The following GABRG3 variants were observed in gnomAD, a reference collection of about 807,000 sequenced individuals.
GABRG3 encodes gamma-aminobutyric acid type A receptor subunit gamma3.
Under a neutral mutation model 48.8 loss-of-function variants are expected in GABRG3, and 25 were observed. The observed-to-expected ratio is 0.51, with a 90% CI of 0.37 to 0.72. The LOEUF is 0.72. Among genes scored for constraint, GABRG3 ranks in the 30% least tolerant of loss-of-function variants. GABRG3 has a pLI of 0.00. For missense variants in GABRG3, 394 were observed against 577.9 expected (o/e 0.68, Z 3.26); for synonymous variants, 227 against 217.6 (o/e 1.04, Z -0.38).
intron 2 of GABRG3, among the ~76,000 whole-genome samples, chr15:27,021,809 C>T (rs370101138): frequency 1.9e-4 from 29 of 152,308 alleles, no homozygotes; most frequent in African/African-American, 6.5e-4. Flanking sequence ...CACCACTGCA[C>T]TCCAGCGTGG....
chr15:27,308,301 C>CATATAAACATATATAAACATACGTTTAT (rs1566773737), intron 3 of GABRG3, among the ~76,000 whole-genome samples: 8 of 106,878 alleles, frequency 7.5e-5, no homozygotes, highest in South Asian at 2.8e-4. Context: ...ATATAAACAT[C>CATATAAACATATATAAACATACGTTTAT]ATATAAACAT....
At chr15:27,349,806 T>C (rs1894494677) in intron 5 of GABRG3, among the ~76,000 whole-genome samples, 1 of 152,140 alleles carries the variant, frequency 6.6e-6, no homozygotes, top group South Asian at 2.1e-4. Context: ...TAGAGAAACC[T>C]AGACTCTGGG....
chr15:27,193,355 G>C (rs968179264), intron 3 of GABRG3, among the ~76,000 whole-genome samples: 1 of 152,072 alleles, frequency 6.6e-6, no homozygotes, highest in African/African-American at 2.4e-5. Flanking sequence ...GCCTCCTTGA[G>C]CTGTGGTGGG....
Position 27,447,992 on chromosome 15 carries a change from A to T in GABRG3, c.575-32658A>T, listed in dbSNP as rs1485194580. ...TTCTGCACATGTATCCCAGAACTTAAAGTATAATAAGATAAAATACACAAA... is the reference window on the plus strand; with the variant it reads ...TTCTGCACATGTATCCCAGAACTTATAGTATAATAAGATAAAATACACAAA... On this transcript the variant is annotated intron_variant, in intron 5 of 9. Coordinates refer to ENST00000615808, the MANE Select transcript of GABRG3 (RefSeq NM_033223.5). This position sits in a 1 kb window ranked among gnomAD's most constrained non-coding sequence, Gnocchi z 4.0. 6.6e-6 allele frequency among the ~76,000 whole-genome samples: 1 copy of T among 152,226 alleles called. No individual in the cohort carries two copies. The highest frequency in any genetic ancestry group is 1.9e-4 in the East Asian group (1 of 5,200).
At chr15:27,403,880 T>G (rs894757709) in intron 5 of GABRG3, among the ~76,000 whole-genome samples, 1 of 110,444 alleles carries the variant, frequency 9.1e-6, no homozygotes, top group African/African-American at 3.7e-5. Context: ...CCGCTGCACT[T>G]AAGCCTGGTG....
intron 3 of GABRG3, among the ~76,000 whole-genome samples, chr15:27,112,621 G>T (rs1196964661): frequency 1.3e-5 from 2 of 151,796 alleles, no homozygotes; most frequent in Admixed American, 6.6e-5. Flanking sequence ...TGTATTTTTA[G>T]TGGAGATGGG....
intron 5 of GABRG3, among the ~76,000 whole-genome samples, chr15:27,339,731 G>T (rs772873952): frequency 1.3e-5 from 2 of 152,202 alleles, no homozygotes; most frequent in African/African-American, 4.8e-5. Flanking sequence ...CAGTCTTGAA[G>T]GTGGGTTATT....
intron 3 of GABRG3, among the ~76,000 whole-genome samples, chr15:27,045,139 T>A (rs998312923): frequency 6.6e-6 from 1 of 152,162 alleles, no homozygotes; most frequent in African/African-American, 2.4e-5. Flanking sequence ...AGAAGTGGAA[T>A]GAGAAGCTCT....
intron 5 of GABRG3, among the ~76,000 whole-genome samples, chr15:27,444,304 A>G (rs1325961489): frequency 6.6e-6 from 1 of 152,116 alleles, no homozygotes; most frequent in Non-Finnish European, 1.5e-5. Flanking sequence ...GGATTTCTCT[A>G]TTTCTACATG....
At chr15:27,219,185 T>C (rs1461242896) in intron 3 of GABRG3, among the ~76,000 whole-genome samples, 1 of 152,218 alleles carries the variant, frequency 6.6e-6, no homozygotes, top group Admixed American at 6.5e-5. Flanking sequence ...AAGGGGACCC[T>C]GTGCCATATT....
intron 5 of GABRG3, among the ~76,000 whole-genome samples, chr15:27,402,713 C>T (rs1887510171): frequency 6.6e-6 from 1 of 152,082 alleles, no homozygotes; most frequent in East Asian, 1.9e-4. Context: ...GTCTTAAGCC[C>T]CAAATTATGT....
intron 3 of GABRG3, among the ~76,000 whole-genome samples, chr15:27,234,822 C>T (rs912197070): frequency 7.9e-5 from 12 of 152,184 alleles, no homozygotes; most frequent in Admixed American, 5.2e-4. Context: ...AAGGGATCTA[C>T]TCCAAAGCAG....
At chr15:27,339,394 A>G (rs746258638) in intron 5 of GABRG3, among the ~76,000 whole-genome samples, 5 of 152,246 alleles carry the variant, frequency 3.3e-5, no homozygotes, top group Non-Finnish European at 5.9e-5. Flanking sequence ...CAGGCTTCCC[A>G]TCAAGGACCA....
At position 26,976,530 on chromosome 15, in the gene GABRG3, A is replaced by C. The variant is rs904012772; in HGVS notation, c.54-472A>C. Among the ~76,000 whole-genome samples the C allele has an allele frequency of 3.9e-5, 6 of 152,042 alleles. No homozygotes were observed. Among genetic ancestry groups the C allele is most frequent in the African/African-American group, 1.2e-4 (5 of 41,400 alleles). ...GAGAAGCACTGAGTCAGACTCAACT[A>C]TTTTGAATGAGTCCACTCTGCAAAA... On this transcript the variant is annotated intron_variant, in intron 1 of 9. Transcript: ENST00000615808. This position sits in a 1 kb window ranked among gnomAD's most constrained non-coding sequence, Gnocchi z 7.8.
chr15:27,220,702 T>G (rs1889423371), intron 3 of GABRG3, among the ~76,000 whole-genome samples: 1 of 152,194 alleles, frequency 6.6e-6, no homozygotes, highest in South Asian at 2.1e-4. Flanking sequence ...GACTGTTGCT[T>G]AAGTTCCTAC....
chr15:27,095,231 C>G (rs1225177794), intron 3 of GABRG3, among the ~76,000 whole-genome samples: 1 of 152,214 alleles, frequency 6.6e-6, no homozygotes, highest in Admixed American at 6.5e-5. Flanking sequence ...GTGTGGCTGG[C>G]TCTTGGCAAC....
intron 5 of GABRG3, among the ~76,000 whole-genome samples, chr15:27,345,820 G>A (rs1489996411): frequency 3.3e-5 from 5 of 151,988 alleles, no homozygotes; most frequent in South Asian, 4.2e-4. Context: ...TTGGGAGGCC[G>A]AGGCAGGGGG....
chr15:27,102,812 A>G (rs1003042633), intron 3 of GABRG3, among the ~76,000 whole-genome samples: 1 of 152,192 alleles, frequency 6.6e-6, no homozygotes, highest in Non-Finnish European at 1.5e-5. Flanking sequence ...ATTTACCGAC[A>G]TAAGTATATA....
intron 5 of GABRG3, among the ~76,000 whole-genome samples, chr15:27,416,333 G>C (rs1356342338): frequency 6.6e-6 from 1 of 152,108 alleles, no homozygotes; most frequent in Non-Finnish European, 1.5e-5. Context: ...TCCCCGCTTA[G>C]GTGGGATGCA....
Sources: allele counts gnomAD v4.1 joint callset (sites outside exome capture counted in the v4.1 genomes callset), GRCh38; gene constraint gnomAD v4.1.1; non-coding constraint Gnocchi (gnomAD v3.1); transcripts MANE v1.5; gene names NCBI Gene and HGNC (gene_info 2026-07-23, HGNC 2026-07-21).